Variants in CTNNA3 observed in about 807,000 individuals in gnomAD.
The protein encoded by CTNNA3 is catenin alpha-3.
CTNNA3 carries 76 observed loss-of-function variants against 95.7 expected under a neutral mutation model. The ratio of observed to expected loss-of-function variants is 0.79; its 90% confidence interval spans 0.66 to 0.96. CTNNA3 has a LOEUF of 0.96. Ranked by LOEUF, CTNNA3 falls within the 40% of genes least tolerant of loss-of-function variation. The pLI is 0.00. For missense variants in CTNNA3, 1,191 were observed against 1,089.8 expected, an observed-to-expected ratio of 1.09 and a Z score of -1.31; for synonymous variants, 431 against 374.4, an observed-to-expected ratio of 1.15 and a Z score of -1.74.
At chr10:66,587,470 G>T (rs894739004) in intron 10 of CTNNA3, among the ~76,000 whole-genome samples, 23 of 152,064 alleles carry the variant, frequency 1.5e-4, no homozygotes, top group Non-Finnish European at 1.9e-4. Flanking sequence ...CCTGTATATT[G>T]CACTGTGCTA....
chr10:65,933,924 G>C (rs1181606664), intron 17 of CTNNA3, among the ~76,000 whole-genome samples: 1 of 152,070 alleles, frequency 6.6e-6, no homozygotes, highest in Non-Finnish European at 1.5e-5. Context: ...GAGTGGTTCT[G>C]GCACAGATTC....
At chr10:66,135,583 T>C (rs2083304399) in intron 13 of CTNNA3, among the ~76,000 whole-genome samples, 1 of 152,182 alleles carries the variant, frequency 6.6e-6, no homozygotes, top group Admixed American at 6.5e-5. Context: ...ATGTACTAAT[T>C]GATTAAAGCA....
chr10:66,135,846 A>G (rs1212920552), intron 13 of CTNNA3, among the ~76,000 whole-genome samples: 4 of 152,214 alleles, frequency 2.6e-5, no homozygotes, highest in Non-Finnish European at 5.9e-5. Flanking sequence ...TGCATATAAA[A>G]AGGGCAAAAT....
At chr10:67,737,945 C>A (rs59550822) in intron 1 of CTNNA3, among the ~76,000 whole-genome samples, 2 of 152,240 alleles carry the variant, frequency 1.3e-5, no homozygotes, top group Non-Finnish European at 2.9e-5. Flanking sequence ...GCTACAAAGA[C>A]ACCTCCTACA....
chr10:66,850,278 T>G (rs1425750368), intron 7 of CTNNA3, among the ~76,000 whole-genome samples: 1 of 152,188 alleles, frequency 6.6e-6, no homozygotes, highest in African/African-American at 2.4e-5. Flanking sequence ...TGAAATTTAA[T>G]GAAGATAAGC....
At chr10:66,913,076 A>G (rs1403226603) in intron 7 of CTNNA3, among the ~76,000 whole-genome samples, 1 of 151,868 alleles carries the variant, frequency 6.6e-6, no homozygotes, top group Non-Finnish European at 1.5e-5. Flanking sequence ...CGTCTCTACT[A>G]AAAATACAAA....
In CTNNA3 at chr10:67,647,609, T is replaced by C. The variant is rs982082885; in HGVS notation, c.-5-91A>G. On this transcript the variant is annotated intron_variant, in intron 1 of 17. Coordinates refer to ENST00000433211, the MANE Select transcript of CTNNA3 (RefSeq NM_013266.4). The stretch of plus-strand genomic sequence containing the variant: ...GAAATCATGGAATAGGTAAAACTTG[T>C]ATTCAGCACCTCTTCCTGATATCAA... 5.2e-6 allele frequency: 5 copies of C among 962,224 alleles called. No homozygotes were observed. In the East Asian group the frequency reaches 9.9e-5, roughly 19 times the overall value. The allele number at this position is 962,224 out of a possible 1,614,324, so 59.6% of individuals were successfully genotyped here.
intron 10 of CTNNA3, among the ~76,000 whole-genome samples, chr10:66,532,788 T>C (rs1841516076): frequency 6.6e-6 from 1 of 152,192 alleles, no homozygotes; most frequent in Non-Finnish European, 1.5e-5. Flanking sequence ...CAAGGGCATG[T>C]TAAGAAAATA....
At chr10:66,491,812 C>T (rs1839932204) in intron 11 of CTNNA3, among the ~76,000 whole-genome samples, 2 of 152,134 alleles carry the variant, frequency 1.3e-5, no homozygotes, top group African/African-American at 4.8e-5. Flanking sequence ...GACACTCTTA[C>T]AATAAGATGT....
rs531154374 is a variant in CTNNA3 at position 66,379,035 on chromosome 10, G to A, written c.1732+117C>T. On this transcript the variant is annotated intron_variant, in intron 12 of 17. Transcript: ENST00000433211. Reference sequence around the variant, plus strand: ...AACCAAAGTGTGCAAGCACTGTATAGCAATGTATGTCAAAAGAAGCAACAC... The same window carrying A: ...AACCAAAGTGTGCAAGCACTGTATAACAATGTATGTCAAAAGAAGCAACAC... 3 of 822,668 alleles carry A rather than the reference G, an allele frequency of 3.6e-6. No individual in the cohort carries two copies. In the African/African-American group the frequency reaches 5.1e-5, roughly 14 times the overall value. 51.0% of individuals were successfully genotyped at this position (822,668 alleles called of 1,614,324 possible). A position where few individuals can be genotyped will look rare whatever the true frequency, so the allele number is the denominator to read the frequency against.
At chr10:67,380,015 C>T (rs1437598526) in intron 5 of CTNNA3, among the ~76,000 whole-genome samples, 25 of 102,106 alleles carry the variant, frequency 2.4e-4, no homozygotes, top group African/African-American at 8.3e-4. Flanking sequence ...AGTGAGACTC[C>T]GTCTCAAAAA....
At chr10:67,641,497 C>T (rs560601960) in intron 2 of CTNNA3, among the ~76,000 whole-genome samples, 2 of 152,228 alleles carry the variant, frequency 1.3e-5, no homozygotes, top group South Asian at 2.1e-4. Context: ...CCCAGCCATC[C>T]CATTACTGGG....
At chr10:66,532,701 A>G (rs1841512822) in intron 10 of CTNNA3, among the ~76,000 whole-genome samples, 1 of 152,174 alleles carries the variant, frequency 6.6e-6, no homozygotes. Flanking sequence ...GTTCTAAGGG[A>G]GAAAAGTCAC....
chr10:65,999,927 C>CAAA (rs34353272), intron 15 of CTNNA3, among the ~76,000 whole-genome samples: 7 of 127,812 alleles, frequency 5.5e-5, no homozygotes, highest in African/African-American at 2.0e-4. Flanking sequence ...CAATAATAAT[C>CAAA]AAAAAAAAAA....
chr10:67,604,041 A>G (rs1843172762), intron 3 of CTNNA3, among the ~76,000 whole-genome samples: 1 of 152,182 alleles, frequency 6.6e-6, no homozygotes, highest in Admixed American at 6.5e-5. Flanking sequence ...GCTATGTTAT[A>G]TTAATAATTG....
chr10:66,997,762 G>A (rs1564821063), intron 7 of CTNNA3, among the ~76,000 whole-genome samples: 1 of 152,096 alleles, frequency 6.6e-6, no homozygotes, highest in African/African-American at 2.4e-5. Flanking sequence ...CCCAGGCAGA[G>A]GAAGTCCTCA....
chr10:66,986,668 T>C (rs756468015), intron 7 of CTNNA3, among the ~76,000 whole-genome samples: 1 of 152,150 alleles, frequency 6.6e-6, no homozygotes, highest in Admixed American at 6.5e-5. Flanking sequence ...TATAGTCAAC[T>C]ATACCTTGTA....
chr10:67,487,001 C>T (rs1848473795), intron 5 of CTNNA3, among the ~76,000 whole-genome samples: 1 of 152,076 alleles, frequency 6.6e-6, no homozygotes, highest in Admixed American at 6.6e-5. Context: ...TTTAACTAAA[C>T]CTATCATCCC....
chr10:66,327,088 T>A (rs2092263319), intron 12 of CTNNA3, among the ~76,000 whole-genome samples: 1 of 152,142 alleles, frequency 6.6e-6, no homozygotes, highest in Non-Finnish European at 1.5e-5. Flanking sequence ...TTTTAGGCCC[T>A]CAGGAACTTC....
Sources: gnomAD v4.1 joint callset for allele counts (sites outside exome capture counted in the v4.1 genomes callset) on GRCh38, gnomAD v4.1.1 for gene constraint, MANE v1.5 for transcripts, NCBI Gene and HGNC (gene_info 2026-07-23, HGNC 2026-07-21) for gene names.